The following NBAS variants were observed in gnomAD, a reference collection of about 807,000 sequenced individuals.
The protein encoded by NBAS is NAG/BC035112 fusion.
A neutral mutation model predicts 302.5 loss-of-function variants in NBAS; 219 were observed. That is an observed-to-expected ratio of 0.72 (90% CI 0.65 to 0.81). NBAS has a LOEUF of 0.81. Among genes scored for constraint, NBAS ranks in the 30% least tolerant of loss-of-function variants. NBAS has a pLI of 0.00. For synonymous variants in NBAS, 1,118 were observed against 1,021.6 expected, an observed-to-expected ratio of 1.09 and a Z score of -1.80; for missense variants, 2,932 against 2,841.6, an observed-to-expected ratio of 1.03 and a Z score of -0.72.
At chr2:15,118,713 G>A in the NBAS span, among the ~76,000 whole-genome samples, 3 of 152,078 alleles carry the variant, frequency 2.0e-5, no homozygotes, top group Non-Finnish European at 4.4e-5. Context: ...AGCTCAGCCT[G>A]CCAGCCCTCT....
intron 40 of NBAS, among the ~76,000 whole-genome samples, chr2:15,298,909 G>C (rs1448702234): frequency 6.6e-6 from 1 of 152,156 alleles, no homozygotes; most frequent in Non-Finnish European, 1.5e-5. Flanking sequence ...CTTGCAGCTG[G>C]AGAGTGACTC....
chr2:14,978,063 C>G, the NBAS span, among the ~76,000 whole-genome samples: 1 of 152,114 alleles, frequency 6.6e-6, no homozygotes, highest in Non-Finnish European at 1.5e-5. Flanking sequence ...CTCATTATTC[C>G]CCCAAATGTC....
intron 38 of NBAS, among the ~76,000 whole-genome samples, chr2:15,319,460 C>T (rs1039497193): frequency 2.8e-5 from 4 of 141,452 alleles, no homozygotes; most frequent in Admixed American, 1.4e-4. Flanking sequence ...AATCCAGGAG[C>T]TGGTTTTTTT....
At chr2:15,040,498 A>C in the NBAS span, among the ~76,000 whole-genome samples, 1 of 152,208 alleles carries the variant, frequency 6.6e-6, no homozygotes, top group Non-Finnish European at 1.5e-5. Flanking sequence ...GGGCTCCGGA[A>C]GAAAAAAATC....
the NBAS span, among the ~76,000 whole-genome samples, chr2:14,965,448 A>T: frequency 1.2e-4 from 18 of 152,354 alleles, no homozygotes; most frequent in Non-Finnish European, 1.9e-4. Context: ...AGACCTTGAA[A>T]GACACGCACT....
At chr2:15,069,497 A>T in the NBAS span, among the ~76,000 whole-genome samples, 2 of 151,962 alleles carry the variant, frequency 1.3e-5, no homozygotes, top group African/African-American at 4.8e-5. Flanking sequence ...CAGATCACTG[A>T]GCTCTGAAGT....
At chr2:15,137,041 C>A in the NBAS span, among the ~76,000 whole-genome samples, 2 of 152,128 alleles carry the variant, frequency 1.3e-5, no homozygotes, top group African/African-American at 2.4e-5. Context: ...TAATACAGTG[C>A]CCTTGCCAAA....
the NBAS span, among the ~76,000 whole-genome samples, chr2:14,817,583 A>G: frequency 6.6e-6 from 1 of 152,208 alleles, no homozygotes; most frequent in Non-Finnish European, 1.5e-5. Flanking sequence ...GTGCATAAAT[A>G]ATTTGATGAA....
At chr2:15,232,307 C>T (rs1219794201) in intron 47 of NBAS, 115 bp downstream of exon 47, 19 of 950,946 alleles carry the variant, frequency 2.0e-5, no homozygotes, top group Non-Finnish European at 3.0e-5. Context: ...CCGCTCCTTT[C>T]CCACCTAAAA....
chr2:15,012,713 A>G, the NBAS span, among the ~76,000 whole-genome samples: 1 of 152,320 alleles, frequency 6.6e-6, no homozygotes, highest in East Asian at 1.9e-4. Flanking sequence ...TCTCAGTAAA[A>G]ATCTTACAAG....
At chr2:14,788,114 C>T in the NBAS span, among the ~76,000 whole-genome samples, 17 of 152,130 alleles carry the variant, frequency 1.1e-4, no homozygotes, top group East Asian at 1.9e-4. Context: ...TTGATCGCAT[C>T]GGCTCCTGAG....
the NBAS span, among the ~76,000 whole-genome samples, chr2:15,048,044 C>A: frequency 0.82 from 125,260 of 152,192 alleles, 51,895 homozygotes; most frequent in East Asian, 0.99. Flanking sequence ...AGAACTCCTG[C>A]TGGGCCGAGA....
chr2:14,845,992 A>C, the NBAS span, among the ~76,000 whole-genome samples: 7 of 152,190 alleles, frequency 4.6e-5, no homozygotes, highest in African/African-American at 1.7e-4. Context: ...AAGTTTATTC[A>C]AAGCGATAAT....
the NBAS span, among the ~76,000 whole-genome samples, chr2:15,059,314 T>C: frequency 6.6e-6 from 1 of 152,248 alleles, no homozygotes; most frequent in Non-Finnish European, 1.5e-5. Flanking sequence ...TGCTGTACAG[T>C]AAATGTTCCT....
At chr2:15,487,332 T>C (rs1423846579) in intron 12 of NBAS, among the ~76,000 whole-genome samples, 1 of 152,292 alleles carries the variant, frequency 6.6e-6, no homozygotes, top group Non-Finnish European at 1.5e-5. Context: ...ATGGACTTCA[T>C]GTATTGTGCA....
chr2:14,779,127 C>A, the NBAS span, among the ~76,000 whole-genome samples: 2 of 152,132 alleles, frequency 1.3e-5, 1 homozygote, highest in African/African-American at 4.8e-5. Flanking sequence ...GAAGGATCAG[C>A]AGAACACCAA....
intron 44 of NBAS, among the ~76,000 whole-genome samples, chr2:15,271,905 T>TCAA (rs574352507): frequency 4.6e-5 from 7 of 152,218 alleles, no homozygotes; most frequent in African/African-American, 1.4e-4. Flanking sequence ...CTAATCTGAT[T>TCAA]CAACAACAAC....
At chr2:14,787,559 T>G in the NBAS span, among the ~76,000 whole-genome samples, 1 of 152,176 alleles carries the variant, frequency 6.6e-6, no homozygotes, top group Non-Finnish European at 1.5e-5. Flanking sequence ...TGTAAAGTAT[T>G]TTACTTCTCC....
In NBAS at chr2:15,307,628, G is replaced by A. The variant is rs567175076; in HGVS notation, c.4797+588C>T. Among the ~76,000 whole-genome samples, 8 of 152,196 alleles carry A rather than the reference G, an allele frequency of 5.3e-5. No individual in the cohort carries two copies. In the South Asian group the frequency reaches 6.2e-4, roughly 12 times the overall value. ...CAAGTACTTGGAAGGATTTTTCAGC[G>A]GCATCTGTAATACTCTTGTGTCCAC... On this transcript the variant is annotated intron_variant, in intron 40 of 51. Coordinates refer to ENST00000281513, the MANE Select transcript of NBAS (RefSeq NM_015909.4).
Sources: allele counts gnomAD v4.1 joint callset (sites outside exome capture counted in the v4.1 genomes callset), GRCh38; gene constraint gnomAD v4.1.1; transcripts MANE v1.5; gene names NCBI Gene and HGNC (gene_info 2026-07-23, HGNC 2026-07-21).